CDH20: variants seen among roughly 807,000 people sequenced by gnomAD.
The protein encoded by CDH20 is cadherin 20, also known as cadherin-20.
Under a neutral mutation model 74.2 loss-of-function variants are expected in CDH20, and 29 were observed. The ratio of observed to expected loss-of-function variants is 0.39; its 90% CI spans 0.29 to 0.53. The LOEUF is 0.53. CDH20 is among the 20% of genes least tolerant of loss of function. The pLI is 0.69. For missense variants in CDH20, 988 were observed against 1,048.3 expected (o/e 0.94, Z 0.79); for synonymous variants, 469 against 405.4 (o/e 1.16, Z -1.88).
chr18:61,466,463 T>C (rs1419281976), intron 1 of CDH20, among the ~76,000 whole-genome samples: 1 of 152,184 alleles, frequency 6.6e-6, no homozygotes, highest in African/African-American at 2.4e-5. Flanking sequence ...TTACGGGACA[T>C]GCAGCTCATG....
intron 1 of CDH20, among the ~76,000 whole-genome samples, chr18:61,484,766 C>T (rs1263561810): frequency 1.3e-5 from 2 of 149,316 alleles, no homozygotes; most frequent in African/African-American, 5.0e-5. Context: ...CACACACACA[C>T]ACACACACAC....
chr18:61,475,682 T>A (rs1414412217), intron 1 of CDH20, among the ~76,000 whole-genome samples: 1 of 152,170 alleles, frequency 6.6e-6, no homozygotes, highest in Non-Finnish European at 1.5e-5. Context: ...TACTGTATAA[T>A]AGCATGTGTT....
At chr18:61,348,911 A>C (rs923789142) in intron 1 of CDH20, among the ~76,000 whole-genome samples, 1 of 152,186 alleles carries the variant, frequency 6.6e-6, no homozygotes. Flanking sequence ...GTAAAGCAGG[A>C]TTGTGTGGAA....
intron 5 of CDH20, 61 bp from the exon 6 acceptor site, chr18:61,507,312 G>T (rs377743295): frequency 6.7e-7 from 1 of 1,488,824 alleles, no homozygotes. Context: ...ATATGATAAT[G>T]ATGAGGCATT....
intron 1 of CDH20, among the ~76,000 whole-genome samples, chr18:61,466,283 G>T (rs913483069): frequency 6.6e-6 from 1 of 151,998 alleles, no homozygotes; most frequent in Admixed American, 6.6e-5. Context: ...TAGTATAGTT[G>T]TACTTACAAC....
intron 1 of CDH20, among the ~76,000 whole-genome samples, chr18:61,443,672 A>G (rs1250507833): frequency 6.6e-6 from 1 of 151,970 alleles, no homozygotes; most frequent in Non-Finnish European, 1.5e-5. Flanking sequence ...TTCAGATGAC[A>G]TTTTTTTCCA....
At chr18:61,378,983 G>A (rs771446795) in intron 1 of CDH20, among the ~76,000 whole-genome samples, 42 of 151,568 alleles carry the variant, frequency 2.8e-4, no homozygotes, top group South Asian at 6.3e-4. Flanking sequence ...CTCCCCTCTC[G>A]GTAGTTTTCG....
At chr18:61,539,613 G>GAGACCAGGA (rs1912955330) in intron 9 of CDH20, among the ~76,000 whole-genome samples, 1 of 152,210 alleles carries the variant, frequency 6.6e-6, no homozygotes, top group Non-Finnish European at 1.5e-5. Flanking sequence ...CTGGAAGTGA[G>GAGACCAGGA]AGACCAGGAA....
chr18:61,415,804 A>G (rs1912662040), intron 1 of CDH20, among the ~76,000 whole-genome samples: 2 of 152,190 alleles, frequency 1.3e-5, no homozygotes, highest in Non-Finnish European at 1.5e-5. Context: ...GCAGCGGACC[A>G]CAAAGATGGT....
At chr18:61,335,305 G>C (rs1909721194) in intron 1 of CDH20, among the ~76,000 whole-genome samples, 1 of 152,180 alleles carries the variant, frequency 6.6e-6, no homozygotes, top group South Asian at 2.1e-4. Context: ...GAATCCGTAA[G>C]GGCACCTGTG....
intron 7 of CDH20, among the ~76,000 whole-genome samples, chr18:61,529,516 A>G (rs954645537): frequency 7.9e-5 from 12 of 152,234 alleles, no homozygotes; most frequent in African/African-American, 2.9e-4. Flanking sequence ...CTAATGTATT[A>G]TATAACAACT....
intron 1 of CDH20, among the ~76,000 whole-genome samples, chr18:61,377,128 T>C (rs1283692905): frequency 2.0e-5 from 3 of 152,118 alleles, no homozygotes; most frequent in Admixed American, 2.0e-4. Flanking sequence ...AACTGATTCA[T>C]CCCCATTGCC....
rs541284587 is a variant in CDH20, at chr18:61,504,351, T to C, written c.829+1231T>C. On this transcript the variant is annotated intron_variant, in intron 5 of 11. Transcript: ENST00000262717. ...GGAAACATGGACTTCTGCCTCTTGATTTCCTGGCTAAGGGAACCATGGCAG... is the reference window on the plus strand; with the variant it reads ...GGAAACATGGACTTCTGCCTCTTGACTTCCTGGCTAAGGGAACCATGGCAG... Among the ~76,000 whole-genome samples, 46 of 152,256 alleles carry C rather than the reference T, an allele frequency of 3.0e-4. 1 individual carries two copies. In the South Asian group the frequency reaches 9.1e-3, roughly 30 times the overall value.
intron 1 of CDH20, among the ~76,000 whole-genome samples, chr18:61,408,707 A>C (rs749915699): frequency 9.2e-5 from 14 of 152,158 alleles, no homozygotes; most frequent in Non-Finnish European, 1.8e-4. Flanking sequence ...ACAGCAAACT[A>C]GTCAGCAACA....
At chr18:61,512,473 C>A (rs1911818772) in intron 6 of CDH20, among the ~76,000 whole-genome samples, 1 of 152,114 alleles carries the variant, frequency 6.6e-6, no homozygotes, top group Non-Finnish European at 1.5e-5. Flanking sequence ...CATTTAAGAA[C>A]AGTTCTTGCC....
intron 1 of CDH20, among the ~76,000 whole-genome samples, chr18:61,394,376 G>T (rs1911892488): frequency 6.6e-6 from 1 of 152,048 alleles, no homozygotes; most frequent in African/African-American, 2.4e-5. Flanking sequence ...AGGTCATTAG[G>T]GTGGGCCCTA....
chr18:61,516,251 A>G (rs1251116316), intron 6 of CDH20, among the ~76,000 whole-genome samples: 1 of 152,242 alleles, frequency 6.6e-6, no homozygotes, highest in Non-Finnish European at 1.5e-5. Flanking sequence ...CACATTGGGA[A>G]ACTTTTTGCA....
chr18:61,342,477 C>T (rs1909984833), intron 1 of CDH20, among the ~76,000 whole-genome samples: 1 of 152,198 alleles, frequency 6.6e-6, no homozygotes, highest in Non-Finnish European at 1.5e-5. Flanking sequence ...TCTACTGCTT[C>T]CTCTTCCCAA....
intron 1 of CDH20, among the ~76,000 whole-genome samples, chr18:61,472,384 C>T (rs1409883962): frequency 4.0e-5 from 6 of 151,872 alleles, no homozygotes; most frequent in South Asian, 2.1e-4. Flanking sequence ...TCCTCGCATC[C>T]GATGGCCTCT....
Sources: allele counts gnomAD v4.1 joint callset (sites outside exome capture counted in the v4.1 genomes callset), GRCh38; gene constraint gnomAD v4.1.1; transcripts MANE v1.5; gene names NCBI Gene and HGNC (gene_info 2026-07-23, HGNC 2026-07-21).